The following FAF1 variants were observed in gnomAD, a reference collection of about 807,000 sequenced individuals.
FAF1 encodes the protein Fas associated factor 1, also known as FAS-associated factor 1.
In FAF1, 25 loss-of-function variants were observed where a neutral mutation model predicts 92.5. The ratio of observed to expected loss-of-function variants is 0.27; its 90% CI spans 0.20 to 0.38. The LOEUF (loss-of-function observed/expected upper bound fraction) is 0.38. Among genes scored for constraint, FAF1 ranks in the 10% least tolerant of loss-of-function variants. The pLI is 1.00. For synonymous variants in FAF1, 234 were observed against 273.2 expected (o/e 0.86, Z 1.42); for missense variants, 636 against 793.3 (o/e 0.80, Z 2.38).
chr1:50,739,430 GTGTGTA>G, intron 5 of FAF1, among the ~76,000 whole-genome samples: 1 of 151,898 alleles, frequency 6.6e-6, no homozygotes, highest in African/African-American at 2.4e-5. Flanking sequence ...GTATGTGTAT[GTGTGTA>G]TATATGTGTA....
At chr1:50,687,547 C>T (rs540366180) in intron 7 of FAF1, among the ~76,000 whole-genome samples, 7 of 151,768 alleles carry the variant, frequency 4.6e-5, no homozygotes, top group African/African-American at 7.3e-5. Flanking sequence ...GTCAGGAGTT[C>T]GAGACCAGCC....
intron 2 of FAF1, among the ~76,000 whole-genome samples, chr1:50,808,345 C>T (rs996663564): frequency 6.6e-6 from 1 of 151,968 alleles, no homozygotes; most frequent in Non-Finnish European, 1.5e-5. Flanking sequence ...ATAAAGCAAC[C>T]GCACAATTAA....
At chr1:50,639,516 T>C (rs1052144712) in intron 8 of FAF1, among the ~76,000 whole-genome samples, 11 of 152,260 alleles carry the variant, frequency 7.2e-5, no homozygotes, top group African/African-American at 1.7e-4. Context: ...ATTAGTTACA[T>C]TGGTTGATGT....
chr1:50,898,411 TTAAA>T (rs1644772614), intron 1 of FAF1, among the ~76,000 whole-genome samples: 1 of 152,312 alleles, frequency 6.6e-6, no homozygotes, highest in African/African-American at 2.4e-5. Flanking sequence ...GATAGACACA[TTAAA>T]TATTTACGTA....
In FAF1 at chr1:50,694,031, A is replaced by G. The variant is rs1255221803; in HGVS notation, c.657+11755T>C. Reference sequence around the variant, plus strand: ...TATACATGACATATATGACATATATATGACATATACATGACATGTATGACA... The same window carrying G: ...TATACATGACATATATGACATATATGTGACATATACATGACATGTATGACA... On this transcript the variant is annotated intron_variant, in intron 7 of 18. Coordinates refer to ENST00000396153, the MANE Select transcript of FAF1 (RefSeq NM_007051.3). 3.3e-5 allele frequency among the ~76,000 whole-genome samples: 5 copies of G among 150,544 alleles called. No homozygotes were observed. The South Asian group carries it at 6.2e-4, about 19-fold the overall frequency.
At chr1:50,756,187 T>C (rs1660067167) in intron 4 of FAF1, among the ~76,000 whole-genome samples, 1 of 152,200 alleles carries the variant, frequency 6.6e-6, no homozygotes, top group African/African-American at 2.4e-5. Flanking sequence ...TAAAACTGAA[T>C]GCCTTTAACA....
At position 50,619,819 on chromosome 1, in the gene FAF1, C is replaced by T. The variant is rs557645812; in HGVS notation, c.745-23603G>A. 3.3e-5 allele frequency among the ~76,000 whole-genome samples: 5 copies of T among 151,924 alleles called. No homozygotes were observed. In the South Asian group the frequency reaches 6.2e-4, roughly 19 times the overall value. On this transcript the variant is annotated intron_variant, in intron 8 of 18. Coordinates refer to ENST00000396153, the MANE Select transcript of FAF1 (RefSeq NM_007051.3). ...GTGAGATTAGGGAAATTTTCATGGACTATATCCTCAAATATATTTTCCAAG... is the reference window on the plus strand; with the variant it reads ...GTGAGATTAGGGAAATTTTCATGGATTATATCCTCAAATATATTTTCCAAG...
At chr1:50,817,534 A>G (rs1238621647) in intron 2 of FAF1, among the ~76,000 whole-genome samples, 1 of 152,228 alleles carries the variant, frequency 6.6e-6, no homozygotes, top group Non-Finnish European at 1.5e-5. Flanking sequence ...TTTCAGTTTT[A>G]AAAGATGAAA....
At chr1:50,727,281 C>T (rs779723999) in intron 6 of FAF1, among the ~76,000 whole-genome samples, 7 of 152,196 alleles carry the variant, frequency 4.6e-5, no homozygotes, top group Non-Finnish European at 1.0e-4. Context: ...ACCAGATACA[C>T]CTCTATACAT....
chr1:50,714,663 A>G (rs554675041), intron 6 of FAF1, among the ~76,000 whole-genome samples: 29 of 152,348 alleles, frequency 1.9e-4, no homozygotes, highest in African/African-American at 7.0e-4. Flanking sequence ...GGGGGTATGG[A>G]GTCCCAGCCA....
intron 8 of FAF1, among the ~76,000 whole-genome samples, chr1:50,654,705 T>C (rs1441812951): frequency 6.6e-6 from 1 of 152,192 alleles, no homozygotes; most frequent in Non-Finnish European, 1.5e-5. Context: ...AAATTAAATA[T>C]AATGATTAGC....
intron 15 of FAF1, among the ~76,000 whole-genome samples, chr1:50,512,956 G>A: frequency 6.6e-6 from 1 of 152,042 alleles, no homozygotes; most frequent in Non-Finnish European, 1.5e-5. Context: ...CTGCCTTTAG[G>A]TAATCACACT....
chr1:50,531,981 TAA>T (rs1032346403), intron 15 of FAF1, among the ~76,000 whole-genome samples: 2 of 152,136 alleles, frequency 1.3e-5, no homozygotes, highest in African/African-American at 2.4e-5. Context: ...ATTTCAAACT[TAA>T]GTCTTATTTC....
intron 4 of FAF1, among the ~76,000 whole-genome samples, chr1:50,785,981 A>C (rs1661348176): frequency 2.0e-5 from 3 of 152,092 alleles, no homozygotes; most frequent in African/African-American, 7.2e-5. Context: ...AGAAAAAAAA[A>C]AAATTAGCCA....
chr1:50,441,223 T>C lies in FAF1; in HGVS notation c.*217A>G. ...AGGGGGTAGGGGAGGGTGGCAGAGT[T>C]GTAATTCTCTGTAATAAGGGTTGGG... On this transcript the variant is annotated 3_prime_UTR_variant, in exon 19 of 19. Coordinates refer to ENST00000396153, the MANE Select transcript of FAF1 (RefSeq NM_007051.3). 2 of 448,906 alleles carry C rather than the reference T, an allele frequency of 4.5e-6. No homozygotes were observed. Among genetic ancestry groups the C allele is most frequent in the East Asian group, 7.0e-5 (2 of 28,418 alleles). 27.8% of individuals were successfully genotyped at this position (448,906 alleles called of 1,614,324 possible).
chr1:50,485,667 C>CAAAAAAAAAAAAAAAAAAAAAAAA (rs999538430), intron 17 of FAF1, among the ~76,000 whole-genome samples: 2 of 13,718 alleles, frequency 1.5e-4, no homozygotes, highest in African/African-American at 4.7e-4. Flanking sequence ...GAGACTGTCT[C>CAAAAAAAAAAAAAAAAAAAAAAAA]AAAAAAAAAA....
chr1:50,524,003 CCACT>C (rs1477094648), intron 15 of FAF1, among the ~76,000 whole-genome samples: 4 of 152,166 alleles, frequency 2.6e-5, no homozygotes, highest in African/African-American at 9.7e-5. Context: ...AATTACACTC[CCACT>C]AACAGTGTGT....
chr1:50,596,203 T>C lies in FAF1; in HGVS notation c.758A>G (p.Glu253Gly), dbSNP rs1472517453. 6.2e-7 allele frequency: 1 copy of C among 1,612,766 alleles called. No homozygotes were observed. The highest frequency in any genetic ancestry group is 2.2e-5 in the East Asian group (1 of 44,890). ...ATGGCAGGGATAAGAGAGCCCTGAT[T>C]CAGCAAGACACATCTGCAAAAAGTA... ...SATDDSMCLA[E>G]SGLSYPCHRL... The change falls in exon 9 of 19, where the codon GAA becomes GGA. Residue 253 changes from glutamate (E) to glycine (G), a missense_variant. Physicochemically the swap from Glu to Gly is moderately conservative, Grantham distance 98. Transcript: ENST00000396153.
chr1:50,798,791 A>G (rs1297816912), intron 3 of FAF1, among the ~76,000 whole-genome samples: 3 of 152,228 alleles, frequency 2.0e-5, no homozygotes, highest in Non-Finnish European at 4.4e-5. Context: ...TACGACTAAA[A>G]TAATAACTAT....
Sources: allele counts gnomAD v4.1 joint callset (sites outside exome capture counted in the v4.1 genomes callset), GRCh38; gene constraint gnomAD v4.1.1; transcripts MANE v1.5; gene names NCBI Gene and HGNC (gene_info 2026-07-23, HGNC 2026-07-21).